HDC: variants seen among roughly 807,000 people sequenced by gnomAD.
HDC encodes the protein histidine decarboxylase.
In HDC, 27 loss-of-function variants were observed where a neutral mutation model predicts 64.4. The ratio of observed to expected loss-of-function variants is 0.42; its 90% confidence interval spans 0.31 to 0.58. The LOEUF is 0.58. Ranked by LOEUF, HDC falls within the 20% of genes least tolerant of loss-of-function variation. The probability of loss-of-function intolerance (pLI) is 0.16; values close to 1 mark genes in which losing one functional copy is unlikely to be tolerated. For synonymous variants in HDC, 305 were observed against 314.2 expected, an observed-to-expected ratio of 0.97 and a Z score of 0.31; for missense variants, 711 against 833.9, an observed-to-expected ratio of 0.85 and a Z score of 1.81.
At chr15:50,257,338 G>C in intron 4 of HDC, 87 bp downstream of exon 4, 1 of 1,548,280 alleles carries the variant, frequency 6.5e-7, no homozygotes, top group South Asian at 1.1e-5. Flanking sequence ...AAACTCCATG[G>C]AGAACGGGAG....
rs1400428965 is a variant in HDC at position 50,263,225 on chromosome 15, T to C, written c.204+10A>G. The C allele has an allele frequency of 3.7e-6, 6 of 1,613,836 alleles. No homozygotes were observed. The highest frequency in any genetic ancestry group is 5.1e-6 in the Non-Finnish European group (6 of 1,179,900). ...AATCCAGAACTGCCCTTGTGGTCAC[T>C]GTGTCTCACCCCAGGCATGATGATT... On this transcript the variant is annotated intron_variant, in intron 2 of 11. Transcript: ENST00000267845.
chr15:50,260,278 C>T (rs2045685647), intron 2 of HDC, among the ~76,000 whole-genome samples: 1 of 152,130 alleles, frequency 6.6e-6, no homozygotes, highest in African/African-American at 2.4e-5. Flanking sequence ...GCCTCAGCCT[C>T]CCAAAGTGCT....
chr15:50,242,272 C>T lies in HDC; in HGVS notation c.1977G>A (p.Gln659=). The T allele has an allele frequency of 6.2e-7, 1 of 1,614,088 alleles. No individual in the cohort carries two copies. Among genetic ancestry groups the T allele is most frequent in the Non-Finnish European group, 8.5e-7 (1 of 1,179,936 alleles). The change falls in exon 12 of 12, where the codon CAG becomes CAA. Residue 659 remains glutamine, a synonymous_variant. Coordinates refer to ENST00000267845, the MANE Select transcript of HDC (RefSeq NM_002112.4). The part of the protein sequence containing the change: ...CGLQLPCCPL[Q]AMV ...GAAGGCCCTGTGTCTAAACCATGGC[C>T]TGCAGAGGGCAACAGGGCAGCTGGA... is the stretch of plus-strand genomic sequence containing the variant.
Position 50,242,880 on chromosome 15 carries a change from T to A in HDC, c.1369A>T (p.Arg457Trp), listed in dbSNP as rs1368175423. The A allele has an allele frequency of 3.7e-6, 6 of 1,613,822 alleles. No individual in the cohort carries two copies. The highest frequency in any genetic ancestry group is 5.1e-6 in the Non-Finnish European group (6 of 1,179,818). ...TTCCAGTCTCTCAGGATGTCATCCCTAGTGGTAAACTGGGATGTCACAGTG... is the reference window on the plus strand; with the variant it reads ...TTCCAGTCTCTCAGGATGTCATCCCAAGTGGTAAACTGGGATGTCACAGTG... ...RFTVTSQFTT[R>W]DDILRDWNLI... Residue 457 changes from arginine (R) to tryptophan (W), a missense_variant, in exon 12 of 12, where the codon AGG (arginine) becomes TGG (tryptophan). By Grantham distance (101) the Arg-to-Trp change is moderately radical (BLOSUM62 -3). Around this residue, in one of 3 missense-constraint regions of HDC, gnomAD observed 483 missense variants for 540.9 expected, o/e 0.89. Coordinates refer to ENST00000267845, the MANE Select transcript of HDC (RefSeq NM_002112.4).
rs577949994 is a variant in HDC, at chr15:50,252,620, A to T, written c.942T>A (p.Thr314=). The part of the protein sequence containing the change: ...SKWMMVHFDC[T]GFWVKDKYKL... ...TGGGCTGCTACACTCACCAGAACCCAGTACAGTCAAAATGCACCATCATCC... is the reference window on the plus strand; with the variant it reads ...TGGGCTGCTACACTCACCAGAACCCTGTACAGTCAAAATGCACCATCATCC... The change falls in exon 8 of 12, where the codon ACT becomes ACA. Residue 314 remains threonine, a synonymous_variant. Transcript: ENST00000267845. 5 of 1,614,130 alleles carry T rather than the reference A, an allele frequency of 3.1e-6. No homozygotes were observed. In the African/African-American group the frequency reaches 6.7e-5, roughly 22 times the overall value.
In HDC at chr15:50,248,896, C is replaced by G. The variant is rs1029493558; in HGVS notation, c.1042-553G>C. Among the ~76,000 whole-genome samples, 1 of 152,162 alleles carries G rather than the reference C, an allele frequency of 6.6e-6. No homozygotes were observed. The highest frequency in any genetic ancestry group is 2.4e-5 in the African/African-American group (1 of 41,442). The stretch of plus-strand genomic sequence containing the variant: ...GGGACATAAAGAACCAATTGCACCT[C>G]CCGGGCAAGTGGTGTGAGGACAAAG... On this transcript the variant is annotated intron_variant, in intron 9 of 11. Coordinates refer to ENST00000267845, the MANE Select transcript of HDC (RefSeq NM_002112.4). This position sits in a 1 kb window ranked among gnomAD's most constrained non-coding sequence, Gnocchi z 4.3.
intron 10 of HDC, among the ~76,000 whole-genome samples, chr15:50,246,599 C>G (rs1355272601): frequency 6.6e-6 from 1 of 152,132 alleles, no homozygotes; most frequent in Non-Finnish European, 1.5e-5. Flanking sequence ...AGGAGCTAAT[C>G]GTCAAGTCCT....
intron 10 of HDC, among the ~76,000 whole-genome samples, chr15:50,247,916 C>A (rs1207301639): frequency 1.3e-5 from 2 of 151,680 alleles, no homozygotes; most frequent in Non-Finnish European, 2.9e-5. Context: ...CCTACCCTGG[C>A]CACACACACT....
chr15:50,249,512 C>G (rs967626317), intron 9 of HDC, among the ~76,000 whole-genome samples: 1 of 152,182 alleles, frequency 6.6e-6, no homozygotes, highest in Non-Finnish European at 1.5e-5. Context: ...TGTTGATGGA[C>G]AATGTTTCCC....
chr15:50,263,166 T>G, intron 2 of HDC, 69 bp downstream of exon 2: 1 of 1,536,472 alleles, frequency 6.5e-7, no homozygotes, highest in Non-Finnish European at 9.0e-7. Context: ...AGCAGGTCTT[T>G]CTCCAGGCCA....
chr15:50,250,309 T>A (rs1016842814), intron 9 of HDC, among the ~76,000 whole-genome samples: 1 of 152,156 alleles, frequency 6.6e-6, no homozygotes, highest in Admixed American at 6.5e-5. Flanking sequence ...CTCAGGATCA[T>A]GAAAAAGATA....
chr15:50,247,365 G>A lies in HDC; in HGVS notation c.1140+880C>T, dbSNP rs187351988. ...TCACACATACCCCATAAATATATAC[G>A]TAATTATTATGTAAGCATAATAATT... On this transcript the variant is annotated intron_variant, in intron 10 of 11. Coordinates refer to ENST00000267845, the MANE Select transcript of HDC (RefSeq NM_002112.4). 3.0e-4 allele frequency among the ~76,000 whole-genome samples: 45 copies of A among 151,854 alleles called. No individual in the cohort carries two copies. The East Asian group carries it at 6.8e-3, about 23-fold the overall frequency.
At chr15:50,246,790 C>A (rs2045488490) in intron 10 of HDC, among the ~76,000 whole-genome samples, 1 of 152,188 alleles carries the variant, frequency 6.6e-6, no homozygotes, top group South Asian at 2.1e-4. Flanking sequence ...TAACCTCCAC[C>A]AACCATTCCC....
At position 50,253,667 on chromosome 15, in the gene HDC, C is replaced by A. The variant is rs766979442; in HGVS notation, c.721-1G>T. ...CAGTGGTCCCTAGTGTTGCACAGAC[C>A]TAGGGGAAAATTAAGGCAAGTTAAC... On this transcript the variant is annotated splice_acceptor_variant, in intron 6 of 11. Coordinates refer to ENST00000267845, the MANE Select transcript of HDC (RefSeq NM_002112.4). LOFTEE classifies it high-confidence loss of function. The A allele has an allele frequency of 6.8e-6, 11 of 1,612,986 alleles. No homozygotes were observed. The highest frequency in any genetic ancestry group is 9.3e-6 in the Non-Finnish European group (11 of 1,179,902).
At chr15:50,254,303 A>G (rs779031782) in intron 5 of HDC, 30 bp from the exon 6 acceptor site, 4 of 1,613,554 alleles carry the variant, frequency 2.5e-6, no homozygotes, top group Admixed American at 3.3e-5. Flanking sequence ...CTGTCAGCAA[A>G]GAGTCATCCT....
At chr15:50,254,414 A>G in intron 5 of HDC, 116 bp downstream of exon 5, 2 of 1,530,254 alleles carry the variant, frequency 1.3e-6, no homozygotes, top group Non-Finnish European at 9.0e-7. Flanking sequence ...ACAAGCTCCC[A>G]TGTCTGAGCT....
Position 50,256,058 on chromosome 15 carries a change from G to C in HDC, c.441+1367C>G, listed in dbSNP as rs113998183. 5.5e-3 allele frequency among the ~76,000 whole-genome samples: 831 copies of C among 152,294 alleles called. 5 individuals carry two copies. The highest frequency in any genetic ancestry group is 0.019 in the African/African-American group (804 of 41,554). ...ATCCTCGTTCTTCCGCTTATCAGCTGTGTAAGCTAGGGCAAATTATTTAAT... is the reference window on the plus strand; with the variant it reads ...ATCCTCGTTCTTCCGCTTATCAGCTCTGTAAGCTAGGGCAAATTATTTAAT... On this transcript the variant is annotated intron_variant, in intron 4 of 11. Coordinates refer to ENST00000267845, the MANE Select transcript of HDC (RefSeq NM_002112.4).
Position 50,242,471 on chromosome 15 carries a change from C to T in HDC, c.1778G>A (p.Ser593Asn), listed in dbSNP as rs764994958. The T allele has an allele frequency of 2.8e-5, 46 of 1,614,094 alleles. No individual in the cohort carries two copies. The highest frequency in any genetic ancestry group is 3.8e-5 in the Non-Finnish European group (45 of 1,180,034). ...RSLSCNSVPV[S>N]AQKPLPTEAS... ...CTCTGTGGGCAGTGGCTTCTGAGCA[C>T]TCACTGGCACACTGTTGCAACTGAG... The change falls in exon 12 of 12, where the codon AGT (serine) becomes AAT (asparagine). Residue 593 changes from serine (S) to asparagine (N), a missense_variant. Ser to Asn is a conservative substitution (Grantham distance 46). This residue lies in a region of HDC where 483 missense variants were observed against 540.9 expected (regional missense o/e 0.89). Coordinates refer to ENST00000267845, the MANE Select transcript of HDC (RefSeq NM_002112.4).
chr15:50,251,447 G>A (rs746339063), intron 9 of HDC, among the ~76,000 whole-genome samples: 1 of 152,222 alleles, frequency 6.6e-6, no homozygotes, highest in African/African-American at 2.4e-5. Flanking sequence ...AAGGCTCAGA[G>A]AGGTCCAGTT....
Sources: gnomAD v4.1 joint callset for allele counts (sites outside exome capture counted in the v4.1 genomes callset) on GRCh38, gnomAD v4.1.1 for gene constraint, gnomAD v4.1.1 regional missense constraint, Gnocchi (gnomAD v3.1) non-coding constraint, MANE v1.5 for transcripts, NCBI Gene and HGNC (gene_info 2026-07-23, HGNC 2026-07-21) for gene names.